Variants in PCDH15 observed in about 807,000 individuals in gnomAD.
PCDH15 encodes protocadherin related 15.
A neutral mutation model predicts 178.5 loss-of-function variants in PCDH15; 129 were observed. That is an observed-to-expected ratio of 0.72 (90% CI 0.63 to 0.84). The LOEUF (loss-of-function observed/expected upper bound fraction) is 0.84, where lower values mean the gene tolerates loss of function less well. Ranked by LOEUF, PCDH15 falls within the 40% of genes least tolerant of loss-of-function variation. PCDH15 has a pLI of 0.00. For missense variants in PCDH15, 2,230 were observed against 2,099.9 expected (o/e 1.06, Z -1.21); for synonymous variants, 800 against 732.0 (o/e 1.09, Z -1.50).
intron 3 of PCDH15, chr10:54,868,915 C>T (rs1267491223): frequency 2.0e-5 from 3 of 152,118 alleles, no homozygotes; most frequent in Admixed American, 6.6e-5. Flanking sequence ...GTGTTCCCAA[C>T]TCCCTTCCTC....
chr10:55,308,318 G>C (rs1376519774), intron 1 of PCDH15, among the ~76,000 whole-genome samples: 5 of 152,160 alleles, frequency 3.3e-5, no homozygotes, highest in Non-Finnish European at 4.4e-5. Flanking sequence ...CTAGAGAATG[G>C]AAGTTGGCTG....
chr10:55,463,905 GAAAGAA>G lies in PCDH15; in HGVS notation c.-156+163714_-156+163719del, dbSNP rs1565165212. On this transcript the variant is annotated intron_variant, in intron 2 of 5. Transcript: ENST00000613346. ...AGAAAGAGAGGGAGAGAGAGAGAAA[GAAAGAA>G]AGAAAGAAAGAAAGAAAGAAAGAAA... is the stretch of plus-strand genomic sequence containing the variant. Among the ~76,000 whole-genome samples the G allele has an allele frequency of 1.7e-3, 17 of 10,278 alleles. 2 individuals carry two copies. Among genetic ancestry groups the G allele is most frequent in the African/African-American group, 3.7e-3 (4 of 1,094 alleles). 6.7% of individuals were successfully genotyped at this position (10,278 alleles called of 152,430 possible).
chr10:54,683,396 T>G (rs558654281), intron 1 of PCDH15, among the ~76,000 whole-genome samples: 1 of 152,156 alleles, frequency 6.6e-6, no homozygotes, highest in African/African-American at 2.4e-5. Flanking sequence ...ATTTCTCTAT[T>G]AATTTGACTA....
chr10:55,215,407 T>C (rs950905870), intron 1 of PCDH15, among the ~76,000 whole-genome samples: 6 of 152,062 alleles, frequency 3.9e-5, no homozygotes, highest in African/African-American at 1.2e-4. Context: ...TGTGAGCACA[T>C]ACATGAATCC....
chr10:55,120,577 G>A (rs564127859), intron 2 of PCDH15, among the ~76,000 whole-genome samples: 2 of 152,278 alleles, frequency 1.3e-5, no homozygotes, highest in East Asian at 3.9e-4. Context: ...ATTGACATAT[G>A]AGGAAATTCA....
Position 55,218,340 on chromosome 10 carries a change from C to T in PCDH15, c.-155-51689G>A, listed in dbSNP as rs189955656. On this transcript the variant is annotated intron_variant, in intron 1 of 5. Transcript: ENST00000458638. The stretch of plus-strand genomic sequence containing the variant: ...ATTAAATACAGTAGCCACGAGTTAA[C>T]GAAATAATAGGAAGCAGATGAAAAT... 2.7e-3 allele frequency among the ~76,000 whole-genome samples: 401 copies of T among 151,164 alleles called. 4 individuals carry two copies. Among genetic ancestry groups the T allele is most frequent in the African/African-American group, 8.9e-3 (364 of 41,078 alleles).
intron 2 of PCDH15, among the ~76,000 whole-genome samples, chr10:55,547,885 T>TGTG (rs1841917888): frequency 4.7e-5 from 2 of 42,304 alleles, no homozygotes; most frequent in Admixed American, 2.1e-4. Flanking sequence ...TGCAGGGAGG[T>TGTG]GGTGTGTGTG....
intron 1 of PCDH15, among the ~76,000 whole-genome samples, chr10:54,755,225 C>A (rs956922593): frequency 1.3e-5 from 2 of 152,120 alleles, no homozygotes; most frequent in Non-Finnish European, 2.9e-5. Context: ...AGCCACTGCA[C>A]CCAGCCAGGT....
At chr10:53,991,844 T>G (rs960218995) in intron 21 of PCDH15, among the ~76,000 whole-genome samples, 1 of 151,862 alleles carries the variant, frequency 6.6e-6, no homozygotes. Flanking sequence ...ACCAATCAGC[T>G]CTCTGTAAAA....
intron 3 of PCDH15, among the ~76,000 whole-genome samples, chr10:54,476,406 T>C (rs1027722397): frequency 2.6e-5 from 4 of 152,134 alleles, no homozygotes; most frequent in Admixed American, 2.0e-4. Context: ...AATCATTTTC[T>C]TTCAGATGAA....
At chr10:53,885,820 T>C (rs573033844) in intron 26 of PCDH15, among the ~76,000 whole-genome samples, 3 of 152,284 alleles carry the variant, frequency 2.0e-5, no homozygotes, top group Admixed American at 2.0e-4. Context: ...CACTAAGGTG[T>C]ATCTCAAAGA....
intron 2 of PCDH15, among the ~76,000 whole-genome samples, chr10:55,065,849 G>C (rs568823923): frequency 6.6e-6 from 1 of 151,912 alleles, no homozygotes; most frequent in African/African-American, 2.4e-5. Context: ...ACAATGCTCA[G>C]ATACGTGCTA....
At chr10:53,851,703 T>C (rs61858304) in intron 28 of PCDH15, among the ~76,000 whole-genome samples, 2 of 52,542 alleles carry the variant, frequency 3.8e-5, no homozygotes, top group Non-Finnish European at 7.9e-5. Flanking sequence ...TATATATATA[T>C]ATATATATAT....
intron 20 of PCDH15, among the ~76,000 whole-genome samples, chr10:54,016,969 AAAT>A (rs2092760056): frequency 1.3e-5 from 2 of 152,240 alleles, no homozygotes; most frequent in Non-Finnish European, 2.9e-5. Flanking sequence ...TTTTGAATTA[AAAT>A]AATAATATGT....
At chr10:54,521,346 A>G (rs2082841456) in intron 3 of PCDH15, among the ~76,000 whole-genome samples, 1 of 152,190 alleles carries the variant, frequency 6.6e-6, no homozygotes, top group Non-Finnish European at 1.5e-5. Flanking sequence ...AACTCCTTAG[A>G]GAATACTGAT....
intron 11 of PCDH15, among the ~76,000 whole-genome samples, chr10:54,191,228 A>G (rs1217433075): frequency 6.6e-6 from 1 of 152,184 alleles, no homozygotes; most frequent in Non-Finnish European, 1.5e-5. Context: ...ACAGATGTAA[A>G]CTCATGAGGG....
intron 8 of PCDH15, among the ~76,000 whole-genome samples, chr10:54,256,500 A>G (rs2056907307): frequency 6.6e-6 from 1 of 152,152 alleles, no homozygotes; most frequent in African/African-American, 2.4e-5. Flanking sequence ...TCACAATTCT[A>G]CTGTTATAGA....
chr10:55,306,696 T>A (rs1401894645), intron 1 of PCDH15, among the ~76,000 whole-genome samples: 1 of 152,208 alleles, frequency 6.6e-6, no homozygotes, highest in Non-Finnish European at 1.5e-5. Flanking sequence ...TAATAAGAGA[T>A]GCTTATTGAT....
intron 2 of PCDH15, among the ~76,000 whole-genome samples, chr10:55,328,085 T>C (rs1422037474): frequency 6.6e-6 from 1 of 152,000 alleles, no homozygotes; most frequent in Non-Finnish European, 1.5e-5. Flanking sequence ...AAACTTTGTA[T>C]GCTGTTAGTT....
Sources: gnomAD v4.1 joint callset for allele counts (sites outside exome capture counted in the v4.1 genomes callset) on GRCh38, gnomAD v4.1.1 for gene constraint, MANE v1.5 for transcripts, NCBI Gene and HGNC (gene_info 2026-07-23, HGNC 2026-07-21) for gene names.